Variants in TIMELESS observed in about 807,000 individuals in gnomAD.
The protein encoded by TIMELESS is timeless circadian regulator.
A neutral mutation model predicts 164.3 loss-of-function variants in TIMELESS; 124 were observed. The ratio of observed to expected loss-of-function variants is 0.75; its 90% CI spans 0.65 to 0.88. The LOEUF (loss-of-function observed/expected upper bound fraction) is 0.88, where lower values mean the gene tolerates loss of function less well. TIMELESS is among the 40% of genes least tolerant of loss of function. The probability of loss-of-function intolerance (pLI) is 0.00; values close to 1 mark genes in which losing one functional copy is unlikely to be tolerated. For synonymous variants in TIMELESS, 564 were observed against 563.4 expected, an observed-to-expected ratio of 1.00 and a Z score of -0.02; for missense variants, 1,422 against 1,491.4, an observed-to-expected ratio of 0.95 and a Z score of 0.77.
Position 56,425,163 on chromosome 12 carries a change from A to G in TIMELESS, c.1579-11T>C. 6.2e-7 allele frequency: 1 copy of G among 1,610,202 alleles called. No individual in the cohort carries two copies. The highest frequency in any genetic ancestry group is 8.5e-7 in the Non-Finnish European group (1 of 1,179,254). On this transcript the variant is annotated splice_polypyrimidine_tract_variant and intron_variant, in intron 13 of 28. Transcript: ENST00000553532. ...CTTCTTTTGTTTGTTCTGTGGGGAAAGAATTGTATTAGGATGTCAAGAGAG... is the reference window on the plus strand; with the variant it reads ...CTTCTTTTGTTTGTTCTGTGGGGAAGGAATTGTATTAGGATGTCAAGAGAG...
At chr12:56,446,493 T>G (rs1208955087) in intron 1 of TIMELESS, among the ~76,000 whole-genome samples, 1 of 152,050 alleles carries the variant, frequency 6.6e-6, no homozygotes, top group African/African-American at 2.4e-5. Flanking sequence ...AAGCCACTAC[T>G]CTATCTAGAA....
intron 1 of TIMELESS, among the ~76,000 whole-genome samples, chr12:56,447,729 T>C (rs1868386505): frequency 6.6e-6 from 1 of 152,140 alleles, no homozygotes. Context: ...GCTGTATCAG[T>C]GCCCCTGGTA....
chr12:56,423,558 A>G (rs1235340596), intron 17 of TIMELESS, 26 bp downstream of exon 17: 4 of 1,613,620 alleles, frequency 2.5e-6, no homozygotes, highest in Non-Finnish European at 3.4e-6. Flanking sequence ...CCACTCTAGG[A>G]CCAACTCAGG....
At position 56,417,655 on chromosome 12, in the gene TIMELESS, C is replaced by G. The variant is rs571109082; in HGVS notation, c.*61G>C. 6.4e-7 allele frequency: 1 copy of G among 1,564,658 alleles called. No homozygotes were observed. Among genetic ancestry groups the G allele is most frequent in the South Asian group, 1.1e-5 (1 of 89,846 alleles). On this transcript the variant is annotated 3_prime_UTR_variant, in exon 29 of 29. Transcript: ENST00000553532. ...TCTGGGTCCTGTATGACCCTTCCAA[C>G]TCTGACTTGAATGCACCATCTAAAA...
chr12:56,423,942 T>A, intron 15 of TIMELESS, 48 bp from the exon 16 acceptor site: 1 of 1,510,482 alleles, frequency 6.6e-7, no homozygotes, highest in Non-Finnish European at 9.2e-7. Context: ...AATCTGGCTT[T>A]AAATTTATAA....
chr12:56,447,673 T>C (rs1868384096), intron 1 of TIMELESS, among the ~76,000 whole-genome samples: 1 of 152,178 alleles, frequency 6.6e-6, no homozygotes. Flanking sequence ...GCACAGTGCA[T>C]GGTACATGTT....
rs773781562 is a variant in TIMELESS, at chr12:56,433,424, G to C, written c.386C>G (p.Ala129Gly). Residue 129 changes from alanine (A) to glycine (G), a missense_variant, in exon 5 of 29, where the codon GCT becomes GGT. By Grantham distance (60) the Ala-to-Gly change is moderately conservative. Transcript: ENST00000553532. ...CAAGGTTTCACTGAGGACTCCAAAA[G>C]CCTTCTCACTGGCAAAGGCCTGTGA... Reference protein sequence around the residue: ...AYKEAFASEKAFGVLSETLYE... With the variant: ...AYKEAFASEKGFGVLSETLYE... 2 of 1,614,176 alleles carry C rather than the reference G, an allele frequency of 1.2e-6. No individual in the cohort carries two copies. Among genetic ancestry groups the C allele is most frequent in the South Asian group, 2.2e-5 (2 of 91,066 alleles).
Position 56,434,058 on chromosome 12 carries a change from T to C in TIMELESS, c.97+16A>G. 1 of 1,613,566 alleles carries C rather than the reference T, an allele frequency of 6.2e-7. No homozygotes were observed. Among genetic ancestry groups the C allele is most frequent in the Non-Finnish European group, 8.5e-7 (1 of 1,179,500 alleles). On this transcript the variant is annotated intron_variant, in intron 2 of 28. Coordinates refer to ENST00000553532, the MANE Select transcript of TIMELESS (RefSeq NM_003920.5). ...TCAAGCCAATTTTTTTCCTGTTTCA[T>C]CAAAAAGGTACTCACCTAAGCAATC...
At position 56,417,845 on chromosome 12, in the gene TIMELESS, G is replaced by A. The variant is rs1881315584; in HGVS notation, c.3557-59C>T. On this transcript the variant is annotated intron_variant, in intron 28 of 28. Transcript: ENST00000553532. ...ATATCTAAATATGTTAAGGGGTAAG[G>A]ACGTGGTAGAGTTTGTCTTCAGGAT... 4.3e-6 allele frequency: 7 copies of A among 1,613,492 alleles called. No individual in the cohort carries two copies. In the Admixed American group the frequency reaches 1.2e-4, roughly 27 times the overall value.
intron 19 of TIMELESS, 138 bp downstream of exon 19, chr12:56,422,709 T>C: frequency 1.0e-6 from 1 of 970,582 alleles, no homozygotes; most frequent in Non-Finnish European, 1.5e-6. Flanking sequence ...TTTCACCTCC[T>C]GAGCCTGTTC....
chr12:56,436,867 T>G (rs1882086368), intron 1 of TIMELESS, among the ~76,000 whole-genome samples: 1 of 152,164 alleles, frequency 6.6e-6, no homozygotes, highest in Non-Finnish European at 1.5e-5. Flanking sequence ...GGCTTCATTT[T>G]GTTTTGCTCA....
chr12:56,431,492 CGA>C lies in TIMELESS; in HGVS notation c.798_799del (p.Arg267SerfsTer53). ...TCACCTGTTGCCTCGCTGGAGGGCTCGAGTCTTCTTTTCTGCCATCTCTCGCT... is the reference window on the plus strand; with the variant it reads ...TCACCTGTTGCCTCGCTGGAGGGCTCGTCTTCTTTTCTGCCATCTCTCGCT... On this transcript the variant is annotated frameshift_variant, in exon 8 of 29. Coordinates refer to ENST00000553532, the MANE Select transcript of TIMELESS (RefSeq NM_003920.5). LOFTEE classifies it high-confidence loss of function. The C allele has an allele frequency of 6.2e-7, 1 of 1,612,274 alleles. No individual in the cohort carries two copies. The highest frequency in any genetic ancestry group is 8.5e-7 in the Non-Finnish European group (1 of 1,179,604).
At chr12:56,421,629 G>A (rs1376318705) in intron 22 of TIMELESS, 98 bp downstream of exon 22, 5 of 1,530,062 alleles carry the variant, frequency 3.3e-6, no homozygotes, top group Non-Finnish European at 4.5e-6. Flanking sequence ...GAACAGAAGG[G>A]ATGGGAGAAT....
intron 26 of TIMELESS, among the ~76,000 whole-genome samples, chr12:56,420,097 A>G (rs1026245531): frequency 1.4e-5 from 2 of 144,738 alleles, no homozygotes; most frequent in East Asian, 2.0e-4. Flanking sequence ...AATAAAATGT[A>G]TATATATATA....
At chr12:56,444,341 G>A (rs1868319623) in intron 1 of TIMELESS, among the ~76,000 whole-genome samples, 1 of 151,990 alleles carries the variant, frequency 6.6e-6, no homozygotes, top group South Asian at 2.1e-4. Flanking sequence ...AGGAACAATT[G>A]AGGTTATCAG....
chr12:56,422,380 A>G (rs1380863561), intron 19 of TIMELESS, among the ~76,000 whole-genome samples, 189 bp from the exon 20 acceptor site: 1 of 152,186 alleles, frequency 6.6e-6, no homozygotes, highest in African/African-American at 2.4e-5. Context: ...CTAAAAGTCA[A>G]ACTAAGAGAT....
In TIMELESS at chr12:56,423,294, G is replaced by T; in HGVS notation, c.2272C>A (p.Pro758Thr). 6.2e-7 allele frequency: 1 copy of T among 1,613,988 alleles called. No individual in the cohort carries two copies. Among genetic ancestry groups the T allele is most frequent in the East Asian group, 2.2e-5 (1 of 44,878 alleles). Residue 758 changes from proline (P) to threonine (T), a missense_variant, in exon 18 of 29, where the codon CCT becomes ACT. Pro to Thr is a conservative substitution (Grantham distance 38). Transcript: ENST00000553532. ...CTCACTTTGTAGGCTCCAGCAGCAG[G>T]GTCACTAAGCAGACGATTGAAGAGG... ...FCLFNRLLSD[P>T]AAGAYKELVT... is the part of the protein sequence containing the mutation.
intron 1 of TIMELESS, among the ~76,000 whole-genome samples, chr12:56,448,172 G>A (rs1212922060): frequency 6.6e-6 from 1 of 152,210 alleles, no homozygotes; most frequent in Non-Finnish European, 1.5e-5. Context: ...GTGGGAGGCC[G>A]ACGCGGGCGG....
intron 18 of TIMELESS, 130 bp downstream of exon 18, chr12:56,423,144 T>G: frequency 7.2e-7 from 1 of 1,395,102 alleles, no homozygotes. Context: ...AACCTGCCTG[T>G]CTACTTTCTC....
Sources: allele counts gnomAD v4.1 joint callset (sites outside exome capture counted in the v4.1 genomes callset), GRCh38; gene constraint gnomAD v4.1.1; transcripts MANE v1.5; gene names NCBI Gene and HGNC (gene_info 2026-07-23, HGNC 2026-07-21).